The following ST8SIA1 variants were observed in gnomAD, a reference collection of about 807,000 sequenced individuals.
ST8SIA1 encodes the protein ST8 alpha-N-acetyl-neuraminide alpha-2,8-sialyltransferase 1.
A neutral mutation model predicts 35.9 loss-of-function variants in ST8SIA1; 16 were observed. The observed-to-expected ratio is 0.45, with a 90% CI of 0.30 to 0.68. The LOEUF (loss-of-function observed/expected upper bound fraction) is 0.68. Among genes scored for constraint, ST8SIA1 ranks in the 30% least tolerant of loss-of-function variants. The probability of loss-of-function intolerance (pLI) is 0.09; values close to 1 mark genes in which losing one functional copy is unlikely to be tolerated. For missense variants in ST8SIA1, 383 were observed against 453.6 expected (o/e 0.84, Z 1.41); for synonymous variants, 170 against 169.6 (o/e 1.00, Z -0.02).
chr12:22,303,936 G>C (rs914420472), intron 1 of ST8SIA1, among the ~76,000 whole-genome samples: 1 of 150,862 alleles, frequency 6.6e-6, no homozygotes, highest in Admixed American at 6.6e-5. Flanking sequence ...AAACAGAAAA[G>C]ACTTTCATTT....
chr12:22,279,078 T>C (rs756936290), intron 2 of ST8SIA1, among the ~76,000 whole-genome samples: 1 of 152,234 alleles, frequency 6.6e-6, no homozygotes, highest in South Asian at 2.1e-4. Context: ...TAAATGTTTT[T>C]GTCTGAAAAA....
At chr12:22,331,720 C>A (rs927099949) in intron 1 of ST8SIA1, among the ~76,000 whole-genome samples, 3 of 152,318 alleles carry the variant, frequency 2.0e-5, no homozygotes, top group Admixed American at 2.0e-4. Flanking sequence ...CATGAAACTT[C>A]TCCTACCTTT....
At chr12:22,277,760 T>A (rs575747973) in intron 2 of ST8SIA1, among the ~76,000 whole-genome samples, 87 of 152,330 alleles carry the variant, frequency 5.7e-4, no homozygotes, top group African/African-American at 1.9e-3. Flanking sequence ...AAGAGGGGAT[T>A]GATTCAGGAA....
Position 22,201,979 on chromosome 12 carries a change from T to C in ST8SIA1, c.644A>G (p.His215Arg). The part of the protein sequence containing the change: ...TFVDNMKIYN[H>R]SYIYMPAFSM... ...AAAGGCAGGCATGTAGATGTAACTG[T>C]GGTTATAAATTTTCATGTTGTCCAC... is the stretch of plus-strand genomic sequence containing the variant. The change falls in exon 5 of 5, where the codon CAC (histidine) becomes CGC (arginine). Residue 215 changes from histidine to arginine, a missense_variant. Coordinates refer to ENST00000396037, the MANE Select transcript of ST8SIA1 (RefSeq NM_003034.4). 1 of 1,613,784 alleles carries C rather than the reference T, an allele frequency of 6.2e-7. No homozygotes were observed. Among genetic ancestry groups the C allele is most frequent in the South Asian group, 1.1e-5 (1 of 91,012 alleles).
chr12:22,251,990 T>C (rs554467450), intron 3 of ST8SIA1, among the ~76,000 whole-genome samples: 1 of 152,316 alleles, frequency 6.6e-6, no homozygotes, highest in African/African-American at 2.4e-5. Flanking sequence ...CCAGTTCCTT[T>C]TGAGGATGCA....
chr12:22,259,311 T>C (rs1591837302), intron 2 of ST8SIA1, among the ~76,000 whole-genome samples: 2 of 152,216 alleles, frequency 1.3e-5, no homozygotes, highest in East Asian at 3.8e-4. Flanking sequence ...AAAAGCCATT[T>C]TGACTTTTTA....
In ST8SIA1 at chr12:22,308,942, A is replaced by G. The variant is rs115628308; in HGVS notation, c.237-21649T>C. On this transcript the variant is annotated intron_variant, in intron 1 of 4. Coordinates refer to ENST00000396037, the MANE Select transcript of ST8SIA1 (RefSeq NM_003034.4). The stretch of plus-strand genomic sequence containing the variant: ...TCCCAAGGCTTACACCTTGATCCTC[A>G]GCATTTATTATTCTAATCATAATGA... Among the ~76,000 whole-genome samples, 1,148 of 152,248 alleles carry G rather than the reference A, an allele frequency of 7.5e-3. 14 individuals are homozygous for G. Among genetic ancestry groups the G allele is most frequent in the African/African-American group, 0.027 (1,105 of 41,534 alleles).
intron 4 of ST8SIA1, among the ~76,000 whole-genome samples, chr12:22,234,582 A>C (rs1012149712): frequency 1.3e-5 from 2 of 152,226 alleles, no homozygotes; most frequent in African/African-American, 4.8e-5. Context: ...TCTGCTTACA[A>C]ATCAAATTTA....
intron 4 of ST8SIA1, among the ~76,000 whole-genome samples, chr12:22,228,794 G>T (rs1321035311): frequency 6.6e-6 from 1 of 152,112 alleles, no homozygotes; most frequent in Non-Finnish European, 1.5e-5. Flanking sequence ...GGTGGCTCAT[G>T]CCTGTAATCC....
In ST8SIA1 at chr12:22,263,557, C is replaced by T. The variant is rs561437238; in HGVS notation, c.382-8168G>A. ...TACACATTTATGTTTATGTGATACT[C>T]TTTTAGCTAAAAGAGTGATGCTTAC... On this transcript the variant is annotated intron_variant, in intron 2 of 4. Transcript: ENST00000396037. 2.5e-3 allele frequency among the ~76,000 whole-genome samples: 383 copies of T among 152,248 alleles called. 3 individuals carry two copies. Among genetic ancestry groups the T allele is most frequent in the African/African-American group, 8.7e-3 (361 of 41,562 alleles).
At chr12:22,209,482 G>T (rs1226704422) in intron 4 of ST8SIA1, among the ~76,000 whole-genome samples, 1 of 152,122 alleles carries the variant, frequency 6.6e-6, no homozygotes, top group Non-Finnish European at 1.5e-5. Context: ...TGCAAATTAA[G>T]GAAATTGATA....
intron 4 of ST8SIA1, among the ~76,000 whole-genome samples, chr12:22,213,503 G>T (rs1453643976): frequency 6.6e-6 from 1 of 152,194 alleles, no homozygotes; most frequent in Non-Finnish European, 1.5e-5. Flanking sequence ...GCATATATCT[G>T]AAATGAATTT....
chr12:22,279,161 C>G (rs1329796784), intron 2 of ST8SIA1, among the ~76,000 whole-genome samples: 1 of 151,214 alleles, frequency 6.6e-6, no homozygotes, highest in Non-Finnish European at 1.5e-5. Flanking sequence ...TCAGACTGAG[C>G]CCTGAGCAAT....
intron 1 of ST8SIA1, among the ~76,000 whole-genome samples, chr12:22,309,438 G>A (rs1045439768): frequency 2.6e-5 from 4 of 152,056 alleles, no homozygotes; most frequent in African/African-American, 9.7e-5. Context: ...ACATCAGAGG[G>A]CCAAACACTC....
chr12:22,205,288 C>G (rs1435519563), intron 4 of ST8SIA1, among the ~76,000 whole-genome samples: 1 of 151,876 alleles, frequency 6.6e-6, no homozygotes, highest in Non-Finnish European at 1.5e-5. Flanking sequence ...TAAAAAACTA[C>G]TAAACAGTAA....
chr12:22,280,716 T>C (rs1866022789), intron 2 of ST8SIA1, among the ~76,000 whole-genome samples: 2 of 152,256 alleles, frequency 1.3e-5, no homozygotes, highest in Admixed American at 1.3e-4. Context: ...GCTATTCTTC[T>C]GAGCAACTCC....
chr12:22,218,400 T>G (rs575542760), intron 4 of ST8SIA1, among the ~76,000 whole-genome samples: 1 of 151,470 alleles, frequency 6.6e-6, no homozygotes, highest in Non-Finnish European at 1.5e-5. Context: ...GGAGGATCAC[T>G]TGAGGTCAGG....
chr12:22,234,511 T>A (rs1036749833), intron 4 of ST8SIA1, among the ~76,000 whole-genome samples: 1 of 152,208 alleles, frequency 6.6e-6, no homozygotes, highest in African/African-American at 2.4e-5. Flanking sequence ...ATTTTCTTCT[T>A]CTTTTTTTAT....
At chr12:22,261,288 G>A (rs974114313) in intron 2 of ST8SIA1, among the ~76,000 whole-genome samples, 5 of 152,050 alleles carry the variant, frequency 3.3e-5, no homozygotes, top group Non-Finnish European at 7.4e-5. Flanking sequence ...GGGATTACAG[G>A]TGCCCGCCAC....
Sources: gnomAD v4.1 joint callset for allele counts (sites outside exome capture counted in the v4.1 genomes callset) on GRCh38, gnomAD v4.1.1 for gene constraint, MANE v1.5 for transcripts, NCBI Gene and HGNC (gene_info 2026-07-23, HGNC 2026-07-21) for gene names.